Variants in ADGRL2 observed in about 807,000 individuals in gnomAD.
ADGRL2 encodes adhesion G protein-coupled receptor L2.
In ADGRL2, 44 loss-of-function variants were observed where a neutral mutation model predicts 157.4. The observed-to-expected ratio is 0.28, with a 90% CI of 0.22 to 0.36. The LOEUF is 0.36. Among genes scored for constraint, ADGRL2 ranks in the 10% least tolerant of loss-of-function variants. The pLI is 1.00. For missense variants in ADGRL2, 1,510 were observed against 1,768.9 expected (o/e 0.85, Z 2.63); for synonymous variants, 585 against 624.7 (o/e 0.94, Z 0.95).
At chr1:81,518,822 CT>C (rs1262457585) in intron 2 of ADGRL2, among the ~76,000 whole-genome samples, 1 of 150,878 alleles carries the variant, frequency 6.6e-6, no homozygotes, top group Non-Finnish European at 1.5e-5. Flanking sequence ...AGGTATTTAT[CT>C]CTTTAGTTTG....
intron 2 of ADGRL2, among the ~76,000 whole-genome samples, chr1:81,531,457 C>T (rs1373634872): frequency 1.3e-5 from 2 of 152,114 alleles, no homozygotes. Context: ...AGAAACTAGC[C>T]ACATGCTTAG....
intron 3 of ADGRL2, among the ~76,000 whole-genome samples, chr1:81,671,641 T>G (rs2082877367): frequency 6.6e-6 from 1 of 151,926 alleles, no homozygotes; most frequent in Admixed American, 6.6e-5. Flanking sequence ...GCCTCCTGAG[T>G]AGCTGGGATT....
chr1:81,448,295 G>A (rs1202977160), intron 2 of ADGRL2, among the ~76,000 whole-genome samples: 5 of 151,236 alleles, frequency 3.3e-5, no homozygotes, highest in Admixed American at 6.6e-5. Context: ...ACAGGTATAC[G>A]CCACCACACC....
intron 1 of ADGRL2, among the ~76,000 whole-genome samples, chr1:81,746,839 T>TATATACACACGTGCACACATATACAC (rs1557615003): frequency 7.0e-6 from 1 of 142,298 alleles, no homozygotes; most frequent in Non-Finnish European, 1.5e-5. Context: ...TATATATACA[T>TATATACACACGTGCACACATATACAC]GTATATACAC....
intron 3 of ADGRL2, among the ~76,000 whole-genome samples, chr1:81,582,530 A>G (rs1475053607): frequency 6.6e-6 from 1 of 152,114 alleles, no homozygotes; most frequent in African/African-American, 2.4e-5. Context: ...TCAAAAGTAT[A>G]AAGGTGAGAG....
chr1:81,839,546 C>G (rs562956658), intron 2 of ADGRL2, among the ~76,000 whole-genome samples: 7 of 151,872 alleles, frequency 4.6e-5, no homozygotes, highest in Admixed American at 2.0e-4. Flanking sequence ...ACTGTTCCCC[C>G]CAAGTCCCCA....
intron 2 of ADGRL2, among the ~76,000 whole-genome samples, chr1:81,904,096 A>G (rs2094542244): frequency 6.6e-6 from 1 of 152,068 alleles, no homozygotes. Context: ...TGTTGTGTTA[A>G]TCACTAGTTT....
At chr1:81,404,949 C>T (rs1421369163) in intron 1 of ADGRL2, among the ~76,000 whole-genome samples, 2 of 152,126 alleles carry the variant, frequency 1.3e-5, no homozygotes, top group African/African-American at 2.4e-5. Context: ...ATAAATATGG[C>T]TTTTAGCAAA....
At chr1:81,607,264 C>A (rs2081453402) in intron 3 of ADGRL2, among the ~76,000 whole-genome samples, 1 of 152,240 alleles carries the variant, frequency 6.6e-6, no homozygotes, top group East Asian at 1.9e-4. Flanking sequence ...CTATATTAAC[C>A]AACTAACTTA....
intron 3 of ADGRL2, among the ~76,000 whole-genome samples, chr1:81,923,078 G>GTT (rs941792523): frequency 2.0e-5 from 3 of 152,172 alleles, no homozygotes; most frequent in African/African-American, 7.2e-5. Context: ...ATATTTACGA[G>GTT]TTGGTGTTCA....
intron 3 of ADGRL2, among the ~76,000 whole-genome samples, chr1:81,637,490 T>A (rs537276497): frequency 6.6e-6 from 1 of 152,268 alleles, no homozygotes; most frequent in East Asian, 1.9e-4. Context: ...CAGAAGGAGC[T>A]TCTGCTGAAG....
intron 2 of ADGRL2, chr1:81,502,397 T>C: frequency 6.2e-7 from 1 of 1,614,010 alleles, no homozygotes; most frequent in Non-Finnish European, 8.5e-7. Context: ...CTCTCGAGAT[T>C]TTGCCAAGCT....
chr1:81,496,410 C>T (rs888926385), intron 2 of ADGRL2, among the ~76,000 whole-genome samples: 79 of 152,174 alleles, frequency 5.2e-4, no homozygotes, highest in African/African-American at 1.9e-3. Flanking sequence ...GTTTCTGTCA[C>T]ACACAAAAGA....
chr1:81,687,785 A>C (rs913781304), intron 3 of ADGRL2, among the ~76,000 whole-genome samples: 2 of 152,184 alleles, frequency 1.3e-5, no homozygotes, highest in African/African-American at 4.8e-5. Context: ...TGCTTTAAAG[A>C]GGAAACACAA....
chr1:81,419,717 A>C (rs1450237297), intron 1 of ADGRL2, among the ~76,000 whole-genome samples: 3 of 152,198 alleles, frequency 2.0e-5, no homozygotes, highest in Admixed American at 2.0e-4. Context: ...TGGATCTTTA[A>C]ATCAGAAAAT....
intron 2 of ADGRL2, among the ~76,000 whole-genome samples, chr1:81,884,203 C>T (rs1224880046): frequency 6.6e-6 from 1 of 152,092 alleles, no homozygotes; most frequent in Non-Finnish European, 1.5e-5. Context: ...CCAGGCTGGT[C>T]TTGAACTCCT....
intron 23 of ADGRL2, 86 bp downstream of exon 23, chr1:81,987,972 A>G (rs1366233885): frequency 1.1e-5 from 3 of 280,516 alleles, no homozygotes; most frequent in Admixed American, 5.0e-5. Context: ...CATAACTAGC[A>G]GTCATGAAGT....
intron 2 of ADGRL2, among the ~76,000 whole-genome samples, chr1:81,487,091 C>CAAAAA (rs146122539): frequency 4.2e-4 from 36 of 84,884 alleles, no homozygotes; most frequent in African/African-American, 1.1e-3. Flanking sequence ...CTCATCTCTA[C>CAAAAA]AAAAAAAAAA....
chr1:81,950,981 G>C (rs1651599244), intron 7 of ADGRL2, 37 bp from the exon 8 acceptor site: 1 of 1,371,412 alleles, frequency 7.3e-7, no homozygotes, highest in Non-Finnish European at 1.0e-6. Context: ...CAGAAAAATG[G>C]TTTCAATTTC....
Sources: gnomAD v4.1 joint callset for allele counts (sites outside exome capture counted in the v4.1 genomes callset) on GRCh38, gnomAD v4.1.1 for gene constraint, MANE v1.5 for transcripts, NCBI Gene and HGNC (gene_info 2026-07-23, HGNC 2026-07-21) for gene names.